Variants in NOTCH3 observed in about 807,000 individuals in gnomAD.
NOTCH3 encodes neurogenic locus notch homolog protein 3.
NOTCH3 carries 86 observed loss-of-function variants against 213.3 expected under a neutral mutation model. That is an observed-to-expected ratio of 0.40 (90% CI 0.34 to 0.48). The LOEUF is 0.48. Among genes scored for constraint, NOTCH3 ranks in the 20% least tolerant of loss-of-function variants. The pLI, the probability that NOTCH3 is intolerant of heterozygous loss-of-function variation, is 0.57. For synonymous variants in NOTCH3, 1,354 were observed against 1,355.9 expected (o/e 1.00, Z 0.03); for missense variants, 2,783 against 3,272.6 (o/e 0.85, Z 3.65).
rs570331972 is a variant in NOTCH3 at position 15,161,264 on chromosome 19, G to A, written c.6364C>T (p.Pro2122Ser). ...GCAGCTGCATAGGGCCCCTCAAGGG[G>A]GAAGCCACCAGGGGAAGCAGGGGGC... Reference protein sequence around the residue: ...GGPPASPGGFPLEGPYAAATA... With the variant: ...GGPPASPGGFSLEGPYAAATA... Residue 2122 changes from proline (P) to serine (S), a missense_variant, in exon 33 of 33, where the codon CCC becomes TCC. By Grantham distance (74) the Pro-to-Ser change is moderately conservative (BLOSUM62 -1). Transcript: ENST00000263388. The A allele has an allele frequency of 2.6e-6, 4 of 1,545,254 alleles. No homozygotes were observed. Among genetic ancestry groups the A allele is most frequent in the South Asian group, 1.2e-5 (1 of 84,268 alleles).
rs779132149 is a variant in NOTCH3 at position 15,174,398 on chromosome 19, G to C, written c.4406C>G (p.Pro1469Arg). 5 of 1,519,546 alleles carry C rather than the reference G, an allele frequency of 3.3e-6. No individual in the cohort carries two copies. Among genetic ancestry groups the C allele is most frequent in the South Asian group, 1.3e-5 (1 of 79,884 alleles). 94.1% of individuals were successfully genotyped at this position (1,519,546 alleles called of 1,614,324 possible). A position where few individuals can be genotyped will look rare whatever the true frequency, so the allele number is the denominator to read the frequency against. ...HAGGRERTCN[P>R]VYEKYCADHF... ...GTCGGCGCAGTACTTCTCGTACACC[G>C]GGCTGGTGGGGAAGGGTGAGGCAGA... Residue 1469 changes from proline to arginine, a missense_variant and splice_region_variant, in exon 25 of 33, where the codon CCG becomes CGG. Physicochemically the swap from Pro to Arg is moderately radical, Grantham distance 103. Around this residue, in one of 6 missense-constraint regions of NOTCH3, gnomAD observed 636 missense variants for 801.8 expected, o/e 0.79. Transcript: ENST00000263388.
At chr19:15,180,530 G>A in intron 19 of NOTCH3, 151 bp downstream of exon 19, 1 of 972,702 alleles carries the variant, frequency 1.0e-6, no homozygotes, top group Admixed American at 2.0e-5. Context: ...CCGGCCAGTT[G>A]TCACATGCTC....
At position 15,181,467 on chromosome 19, in the gene NOTCH3, G is replaced by C. The variant is rs2046840785; in HGVS notation, c.2792+109C>G. On this transcript the variant is annotated intron_variant, in intron 17 of 32. Coordinates refer to ENST00000263388, the MANE Select transcript of NOTCH3 (RefSeq NM_000435.3). ...CCATCAGTCATCAGAGTCCGCAGTG[G>C]GTACCAAGCTGAGGACTCCCCCAAG... The C allele has an allele frequency of 4.5e-6, 4 of 897,250 alleles. No individual in the cohort carries two copies. In the South Asian group the frequency reaches 6.3e-5, roughly 14 times the overall value. The allele number at this position is 897,250 out of a possible 1,614,324, so 55.6% of individuals were successfully genotyped here.
intron 1 of NOTCH3, among the ~76,000 whole-genome samples, chr19:15,197,793 G>C (rs987495640): frequency 4.7e-5 from 6 of 128,950 alleles, no homozygotes; most frequent in South Asian, 2.7e-4. Context: ...CTGCCAGCTC[G>C]AGCCCTGGGA....
chr19:15,179,344 C>G lies in NOTCH3; in HGVS notation c.3460+20G>C. 1 of 1,611,084 alleles carries G rather than the reference C, an allele frequency of 6.2e-7. No homozygotes were observed. Among genetic ancestry groups the G allele is most frequent in the South Asian group, 1.1e-5 (1 of 91,018 alleles). ...AAGACAGCCTCTCATCCTGTCCCCC[C>G]AACCCTGGCCCTGGCATACCCAGCG... On this transcript the variant is annotated intron_variant, in intron 21 of 32. Coordinates refer to ENST00000263388, the MANE Select transcript of NOTCH3 (RefSeq NM_000435.3).
At chr19:15,193,678 G>A (rs1457096303) in intron 2 of NOTCH3, among the ~76,000 whole-genome samples, 1 of 150,392 alleles carries the variant, frequency 6.6e-6, no homozygotes, top group East Asian at 2.0e-4. Context: ...GGCTGAGGCA[G>A]GAGAATCGCT....
At position 15,192,570 on chromosome 19, in the gene NOTCH3, A is replaced by G. The variant is rs757094270; in HGVS notation, c.198-51T>C. The G allele has an allele frequency of 1.4e-5, 21 of 1,545,146 alleles. No individual in the cohort carries two copies. In the East Asian group the frequency reaches 4.1e-4, roughly 30 times the overall value. ...GCAGCACAGGGCAGGATGGCCCCAG[A>G]CACAAAGATACACACAAGACAGGCA... On this transcript the variant is annotated intron_variant, in intron 2 of 32. Coordinates refer to ENST00000263388, the MANE Select transcript of NOTCH3 (RefSeq NM_000435.3).
At chr19:15,183,149 G>A (rs2046853609) in intron 16 of NOTCH3, among the ~76,000 whole-genome samples, 1 of 151,990 alleles carries the variant, frequency 6.6e-6, no homozygotes, top group African/African-American at 2.4e-5. Flanking sequence ...AGCTACTCAG[G>A]AGGTTAAGAC....
At chr19:15,168,348 T>C (rs1361880297) in intron 28 of NOTCH3, among the ~76,000 whole-genome samples, 3 of 152,140 alleles carry the variant, frequency 2.0e-5, no homozygotes, top group Non-Finnish European at 4.4e-5. Context: ...TCCACTGTAA[T>C]AGATGATTCC....
At chr19:15,169,559 C>T (rs1465060448) in intron 28 of NOTCH3, among the ~76,000 whole-genome samples, 4 of 152,042 alleles carry the variant, frequency 2.6e-5, no homozygotes, top group African/African-American at 2.4e-5. Flanking sequence ...TTAGTACAGA[C>T]GGGGTTTCAC....
At chr19:15,191,338 T>A in intron 6 of NOTCH3, 86 bp downstream of exon 6, 1 of 1,215,298 alleles carries the variant, frequency 8.2e-7, no homozygotes. Context: ...CAGCCTAGCA[T>A]AATCTTTCTA....
At chr19:15,181,840 C>T (rs773692850) in intron 16 of NOTCH3, 39 bp from the exon 17 acceptor site, 15 of 1,501,262 alleles carry the variant, frequency 1.0e-5, no homozygotes, top group South Asian at 2.4e-5. Flanking sequence ...ACCTACCTTG[C>T]CCCCATTAGC....
chr19:15,189,080 C>A lies in NOTCH3; in HGVS notation c.1287G>T (p.Glu429Asp). ...CGRGYTGPRC[E>D]TDVNECLSGP... ...CCGACAGACACTCGTTGACATCGGTCTCACAGCGAGGTCCAGTGTAGCCAC... is the reference window on the plus strand; with the variant it reads ...CCGACAGACACTCGTTGACATCGGTATCACAGCGAGGTCCAGTGTAGCCAC... Residue 429 changes from glutamate to aspartate, a missense_variant, in exon 8 of 33, where the codon GAG becomes GAT. Glu to Asp is a conservative substitution (Grantham distance 45). Coordinates refer to ENST00000263388, the MANE Select transcript of NOTCH3 (RefSeq NM_000435.3). 6.2e-7 allele frequency: 1 copy of A among 1,613,182 alleles called. No individual in the cohort carries two copies. The highest frequency in any genetic ancestry group is 8.5e-7 in the Non-Finnish European group (1 of 1,180,034).
At position 15,165,585 on chromosome 19, in the gene NOTCH3, C is replaced by T; in HGVS notation, c.5668-70G>A. Reference sequence around the variant, plus strand: ...AGAGGAATCAGGAGCACCCCTAAGTCCCATGAAGTCCCCAACCCCCATACC... The same window carrying T: ...AGAGGAATCAGGAGCACCCCTAAGTTCCATGAAGTCCCCAACCCCCATACC... On this transcript the variant is annotated intron_variant, in intron 30 of 32. Transcript: ENST00000263388. The surrounding 1 kb of genome is among the most constrained non-coding windows in gnomAD (Gnocchi z 4.7). 1 of 1,541,548 alleles carries T rather than the reference C, an allele frequency of 6.5e-7. No individual in the cohort carries two copies. Among genetic ancestry groups the T allele is most frequent in the Non-Finnish European group, 8.8e-7 (1 of 1,140,586 alleles).
At position 15,184,437 on chromosome 19, in the gene NOTCH3, C is replaced by A; in HGVS notation, c.2424G>T (p.Gln808His). 1 of 1,613,830 alleles carries A rather than the reference C, an allele frequency of 6.2e-7. No individual in the cohort carries two copies. The highest frequency in any genetic ancestry group is 8.5e-7 in the Non-Finnish European group (1 of 1,179,832). The change falls in exon 16 of 33, where the codon CAG becomes CAT. Residue 808 changes from glutamine to histidine, a missense_variant. By Grantham distance (24) the Gln-to-His change is conservative. Coordinates refer to ENST00000263388, the MANE Select transcript of NOTCH3 (RefSeq NM_000435.3). ...CPQGWQGPRC[Q>H]QDVDECAGPA... The stretch of plus-strand genomic sequence containing the variant: ...GGCCAGCACACTCGTCCACATCCTG[C>A]TGGCATCGTGGGCCTGGGGGTAGGG...
At chr19:15,178,132 G>A (rs966384821) in intron 23 of NOTCH3, 42 bp from the exon 24 acceptor site, 5 of 1,236,470 alleles carry the variant, frequency 4.0e-6, no homozygotes, top group Non-Finnish European at 5.6e-6. Context: ...AAATGAGGGT[G>A]GGGAGTGGAG....
At chr19:15,194,693 C>T (rs1299642950) in intron 2 of NOTCH3, among the ~76,000 whole-genome samples, 5 of 152,116 alleles carry the variant, frequency 3.3e-5, no homozygotes, top group Non-Finnish European at 7.4e-5. Context: ...CGGTGGCTCA[C>T]GCCTGTAATC....
chr19:15,185,375 G>C lies in NOTCH3; in HGVS notation c.2178C>G (p.Gly726=). 1.2e-6 allele frequency: 2 copies of C among 1,612,258 alleles called. No homozygotes were observed. Among genetic ancestry groups the C allele is most frequent in the Non-Finnish European group, 1.7e-6 (2 of 1,179,670 alleles). The change falls in exon 14 of 33, where the codon GGC becomes GGG. Residue 726 remains glycine, a synonymous_variant. Transcript: ENST00000263388. This position sits in a 1 kb window ranked among gnomAD's most constrained non-coding sequence, Gnocchi z 4.2. The stretch of plus-strand genomic sequence containing the variant: ...GGGCCAGGCTCTGGCTGCAGCGGGG[G>C]CCACTCCAGCCAGGCTCACACACAC... ...FRCVCEPGWS[G]PRCSQSLARD...
In NOTCH3 at chr19:15,174,397, C is replaced by A. The variant is rs924237771; in HGVS notation, c.4407G>T (p.Pro1469=). 2 of 1,521,216 alleles carry A rather than the reference C, an allele frequency of 1.3e-6. No homozygotes were observed. The highest frequency in any genetic ancestry group is 1.2e-5 in the South Asian group (1 of 80,288). The allele number at this position is 1,521,216 out of a possible 1,614,324, so 94.2% of individuals were successfully genotyped here. Residue 1469 remains proline (P), a synonymous_variant, in exon 25 of 33, where the codon CCG becomes CCT. Coordinates refer to ENST00000263388, the MANE Select transcript of NOTCH3 (RefSeq NM_000435.3). The part of the protein sequence containing the change: ...HAGGRERTCN[P]VYEKYCADHF... The stretch of plus-strand genomic sequence containing the variant: ...GGTCGGCGCAGTACTTCTCGTACAC[C>A]GGGCTGGTGGGGAAGGGTGAGGCAG...
Sources: allele counts gnomAD v4.1 joint callset (sites outside exome capture counted in the v4.1 genomes callset), GRCh38; gene constraint gnomAD v4.1.1; regional missense constraint gnomAD v4.1.1; non-coding constraint Gnocchi (gnomAD v3.1); transcripts MANE v1.5; gene names NCBI Gene and HGNC (gene_info 2026-07-23, HGNC 2026-07-21).